The following STXBP5L variants were observed in gnomAD, a reference collection of about 807,000 sequenced individuals.
STXBP5L encodes syntaxin binding protein 5L.
In STXBP5L, 65 loss-of-function variants were observed where a neutral mutation model predicts 144.5. That is an observed-to-expected ratio of 0.45 (90% confidence interval 0.37 to 0.55). The LOEUF (loss-of-function observed/expected upper bound fraction) is 0.55. Among genes scored for constraint, STXBP5L ranks in the 20% least tolerant of loss-of-function variants. The probability of loss-of-function intolerance (pLI) is 0.00; values close to 1 mark genes in which losing one functional copy is unlikely to be tolerated. For missense variants in STXBP5L, 1,298 were observed against 1,405.5 expected, an observed-to-expected ratio of 0.92 and a Z score of 1.22; for synonymous variants, 505 against 469.6, an observed-to-expected ratio of 1.08 and a Z score of -0.97.
intron 5 of STXBP5L, among the ~76,000 whole-genome samples, chr3:121,052,728 G>A (rs9856303): frequency 0.52 from 79,180 of 151,360 alleles, 21,270 homozygotes; most frequent in African/African-American, 0.62. Flanking sequence ...TCAACATAGT[G>A]TTGGAAGTTC....
intron 20 of STXBP5L, among the ~76,000 whole-genome samples, chr3:121,339,684 T>C (rs2044636461): frequency 6.6e-6 from 1 of 152,094 alleles, no homozygotes; most frequent in African/African-American, 2.4e-5. Flanking sequence ...AAAAGACTCC[T>C]AGATTTGAGA....
chr3:121,244,657 CA>C (rs557799495), intron 14 of STXBP5L, among the ~76,000 whole-genome samples: 83 of 152,048 alleles, frequency 5.5e-4, no homozygotes, highest in Middle Eastern at 3.4e-3. Context: ...AAATCAAAAA[CA>C]AAAAGAAAAT....
chr3:121,095,312 C>T (rs909347717), intron 5 of STXBP5L, among the ~76,000 whole-genome samples: 3 of 152,068 alleles, frequency 2.0e-5, no homozygotes, highest in Admixed American at 6.6e-5. Context: ...CTCTGTATTT[C>T]CTGAATTTGA....
chr3:121,039,903 C>T (rs553917859), intron 3 of STXBP5L, among the ~76,000 whole-genome samples: 1 of 151,764 alleles, frequency 6.6e-6, no homozygotes, highest in African/African-American at 2.4e-5. Context: ...GTTCACTAAT[C>T]CTCAATGAAT....
At chr3:121,260,827 T>C (rs1052967047) in intron 18 of STXBP5L, among the ~76,000 whole-genome samples, 3 of 152,104 alleles carry the variant, frequency 2.0e-5, no homozygotes, top group African/African-American at 7.2e-5. Context: ...TTTGAGTACC[T>C]GGAATTTTCT....
intron 7 of STXBP5L, among the ~76,000 whole-genome samples, chr3:121,141,430 G>A (rs1231839201): frequency 6.6e-6 from 1 of 152,000 alleles, no homozygotes; most frequent in Admixed American, 6.6e-5. Context: ...AAAACTTATT[G>A]CTAAGGGTAA....
At chr3:121,250,786 A>G in intron 15 of STXBP5L, 23 bp downstream of exon 15, 1 of 1,600,834 alleles carries the variant, frequency 6.2e-7, no homozygotes, top group Non-Finnish European at 8.5e-7. Flanking sequence ...TTTCTGTACA[A>G]CAGAAACCAA....
Position 120,909,627 on chromosome 3 carries a change from T to C in STXBP5L, c.49T>C (p.Ser17Pro). ...AGTTTTGGATGGCTTAACTGCCTCC[T>C]CCCCTGGCAGTGGTAGCAGCAGTGG... ...RKVLDGLTAS[S>P]PGSGSSSGSN... Residue 17 changes from serine (S) to proline (P), a missense_variant, in exon 2 of 27, where the codon TCC (serine) becomes CCC (proline). By Grantham distance (74) the Ser-to-Pro change is moderately conservative. Transcript: ENST00000471454. 1 of 1,613,580 alleles carries C rather than the reference T, an allele frequency of 6.2e-7. No individual in the cohort carries two copies.
At chr3:121,086,461 T>C (rs1257475621) in intron 5 of STXBP5L, among the ~76,000 whole-genome samples, 1 of 148,774 alleles carries the variant, frequency 6.7e-6, no homozygotes, top group Non-Finnish European at 1.5e-5. Context: ...CCCTTTTCTA[T>C]ATTTAAATAT....
chr3:121,184,529 G>C (rs1225641237), intron 9 of STXBP5L, among the ~76,000 whole-genome samples: 1 of 151,884 alleles, frequency 6.6e-6, no homozygotes, highest in Non-Finnish European at 1.5e-5. Flanking sequence ...AGAATGAAAA[G>C]AAATGAACAA....
intron 11 of STXBP5L, among the ~76,000 whole-genome samples, chr3:121,228,724 A>T (rs1469331709): frequency 6.6e-6 from 1 of 152,104 alleles, no homozygotes; most frequent in African/African-American, 2.4e-5. Context: ...TAAAAATACA[A>T]AAATCAGCTG....
chr3:121,343,985 C>A (rs562295137), intron 20 of STXBP5L, among the ~76,000 whole-genome samples: 2 of 152,092 alleles, frequency 1.3e-5, no homozygotes, highest in African/African-American at 4.8e-5. Flanking sequence ...ATCAAGCTAC[C>A]GGACTTCTAA....
chr3:120,966,435 T>C (rs1225972505), intron 3 of STXBP5L, among the ~76,000 whole-genome samples: 2 of 152,222 alleles, frequency 1.3e-5, no homozygotes, highest in East Asian at 3.9e-4. Flanking sequence ...CCTTTGGTAT[T>C]TAATGCTGGT....
At chr3:120,973,764 A>G (rs556770237) in intron 3 of STXBP5L, among the ~76,000 whole-genome samples, 8 of 151,462 alleles carry the variant, frequency 5.3e-5, no homozygotes, top group East Asian at 3.9e-4. Flanking sequence ...TCATTGTTCA[A>G]TTCCCACCTA....
intron 7 of STXBP5L, among the ~76,000 whole-genome samples, chr3:121,134,448 G>A (rs573134886): frequency 1.3e-4 from 19 of 151,886 alleles, no homozygotes; most frequent in African/African-American, 2.2e-4. Context: ...GTACATGTGC[G>A]CAATGTGTAA....
At chr3:120,916,234 T>A (rs546994348) in intron 2 of STXBP5L, among the ~76,000 whole-genome samples, 11 of 152,324 alleles carry the variant, frequency 7.2e-5, no homozygotes, top group African/African-American at 2.2e-4. Context: ...ATATAATCAA[T>A]ATAATGAATT....
intron 5 of STXBP5L, among the ~76,000 whole-genome samples, chr3:121,103,998 G>T (rs1241038823): frequency 1.3e-5 from 2 of 152,122 alleles, no homozygotes; most frequent in African/African-American, 4.8e-5. Flanking sequence ...ATGAATTTCT[G>T]AAGGACTATG....
rs528242045 is a variant in STXBP5L, at chr3:120,989,847, T to C, written c.287+34810T>C. 3.9e-5 allele frequency among the ~76,000 whole-genome samples: 6 copies of C among 152,248 alleles called. No homozygotes were observed. The East Asian group carries it at 1.2e-3, about 29-fold the overall frequency. Reference sequence around the variant, plus strand: ...CTAATATCCATATACCCACAGCCAATATCATACTGAATGGGCAAAAACTTG... The same window carrying C: ...CTAATATCCATATACCCACAGCCAACATCATACTGAATGGGCAAAAACTTG... On this transcript the variant is annotated intron_variant, in intron 3 of 26. Transcript: ENST00000471454.
chr3:121,030,073 G>A (rs147921217), intron 3 of STXBP5L, among the ~76,000 whole-genome samples: 2,719 of 152,274 alleles, frequency 0.018, 39 homozygotes, highest in Non-Finnish European at 0.031. Context: ...CTTTTACACT[G>A]TTGGTGGGTG....
Sources: allele counts gnomAD v4.1 joint callset (sites outside exome capture counted in the v4.1 genomes callset), GRCh38; gene constraint gnomAD v4.1.1; transcripts MANE v1.5; gene names NCBI Gene and HGNC (gene_info 2026-07-23, HGNC 2026-07-21).